The following MAGI1 variants were observed in gnomAD, a reference collection of about 807,000 sequenced individuals.
The protein encoded by MAGI1 is membrane associated guanylate kinase, WW and PDZ domain containing 1, also known as membrane-associated guanylate kinase, WW and PDZ domain-containing protein 1.
In MAGI1, 58 loss-of-function variants were observed where a neutral mutation model predicts 139.9. The observed-to-expected ratio is 0.41, with a 90% confidence interval of 0.34 to 0.52. The LOEUF (loss-of-function observed/expected upper bound fraction) is 0.52. MAGI1 is among the 20% of genes least tolerant of loss of function. The probability of loss-of-function intolerance (pLI) is 0.12; values close to 1 mark genes in which losing one functional copy is unlikely to be tolerated. For missense variants in MAGI1, 1,874 were observed against 1,901.6 expected, an observed-to-expected ratio of 0.99 and a Z score of 0.27; for synonymous variants, 812 against 737.9, an observed-to-expected ratio of 1.10 and a Z score of -1.63.
intron 4 of MAGI1, among the ~76,000 whole-genome samples, chr3:65,477,995 G>T (rs1010757525): frequency 4.6e-5 from 7 of 151,634 alleles, no homozygotes; most frequent in African/African-American, 1.7e-4. Flanking sequence ...TAATACATAG[G>T]CTATATAATA....
intron 12 of MAGI1, among the ~76,000 whole-genome samples, chr3:65,402,942 C>T (rs1424048953): frequency 6.6e-6 from 1 of 152,166 alleles, no homozygotes; most frequent in Non-Finnish European, 1.5e-5. Context: ...AGCCCAGGTC[C>T]CACCACTGGG....
intron 1 of MAGI1, among the ~76,000 whole-genome samples, chr3:65,885,102 G>GA (rs796677585): frequency 5.3e-5 from 8 of 152,168 alleles, no homozygotes; most frequent in African/African-American, 1.9e-4. Flanking sequence ...ATACCTGGAT[G>GA]AAAAAACGTT....
chr3:65,745,270 G>A (rs1167615425), intron 1 of MAGI1, among the ~76,000 whole-genome samples: 1 of 152,124 alleles, frequency 6.6e-6, no homozygotes, highest in Non-Finnish European at 1.5e-5. Flanking sequence ...CAGGAGGAAT[G>A]AGACAGGCAA....
chr3:65,919,797 C>T (rs983180620), intron 1 of MAGI1, among the ~76,000 whole-genome samples: 7 of 152,064 alleles, frequency 4.6e-5, no homozygotes, highest in African/African-American at 1.7e-4. Context: ...TAATTTCTCT[C>T]ATACAGTCTG....
intron 1 of MAGI1, among the ~76,000 whole-genome samples, chr3:65,820,528 T>TA (rs2041890936): frequency 6.6e-6 from 1 of 152,110 alleles, no homozygotes; most frequent in South Asian, 2.1e-4. Flanking sequence ...TAGGCGTCCT[T>TA]AATCTTTCGG....
chr3:65,726,207 A>G (rs752713751), intron 1 of MAGI1, among the ~76,000 whole-genome samples: 5 of 152,220 alleles, frequency 3.3e-5, no homozygotes, highest in Non-Finnish European at 7.3e-5. Flanking sequence ...CATCTTATTT[A>G]AGCTATGCCA....
Position 65,494,556 on chromosome 3 carries a change from A to C in MAGI1, c.431-925T>G, listed in dbSNP as rs571246607. Among the ~76,000 whole-genome samples the C allele has an allele frequency of 3.3e-5, 5 of 152,346 alleles. No homozygotes were observed. In the South Asian group the frequency reaches 8.3e-4, roughly 25 times the overall value. On this transcript the variant is annotated intron_variant, in intron 2 of 22. Coordinates refer to ENST00000402939, the MANE Select transcript of MAGI1 (RefSeq NM_001033057.2). ...TTATGAGACGAAAAAAAAGAGCAAA[A>C]AATGTGACTTCTGCTGTTACATTCA...
intron 2 of MAGI1, among the ~76,000 whole-genome samples, chr3:65,554,870 G>A (rs570648634): frequency 4.6e-5 from 7 of 152,312 alleles, no homozygotes; most frequent in Non-Finnish European, 1.0e-4. Context: ...ACATGACAAA[G>A]ATATGCAATG....
At chr3:65,924,857 G>A (rs756287423) in intron 1 of MAGI1, 1 of 152,184 alleles carries the variant, frequency 6.6e-6, no homozygotes, top group African/African-American at 2.4e-5. Context: ...ACATAGTTAA[G>A]TGCTAAATAA....
At chr3:65,729,087 G>A (rs946480188) in intron 1 of MAGI1, among the ~76,000 whole-genome samples, 14 of 118,524 alleles carry the variant, frequency 1.2e-4, no homozygotes, top group African/African-American at 4.1e-4. Flanking sequence ...AAACAAATCT[G>A]TCCTACAAAT....
chr3:65,871,586 G>C (rs1431024068), intron 1 of MAGI1, among the ~76,000 whole-genome samples: 1 of 152,222 alleles, frequency 6.6e-6, no homozygotes, highest in Non-Finnish European at 1.5e-5. Context: ...GCTGGCATGA[G>C]GCCAGTACAG....
chr3:65,526,217 G>C (rs925892270), intron 2 of MAGI1, among the ~76,000 whole-genome samples: 2 of 152,074 alleles, frequency 1.3e-5, no homozygotes, highest in Non-Finnish European at 1.5e-5. Context: ...TTGATGTTCA[G>C]TTCACTGTGA....
intron 1 of MAGI1, among the ~76,000 whole-genome samples, chr3:65,776,396 T>C (rs1185146658): frequency 6.6e-6 from 1 of 152,282 alleles, no homozygotes; most frequent in East Asian, 1.9e-4. Flanking sequence ...CAAAAATTTT[T>C]CAAAGCCTCT....
intron 1 of MAGI1, among the ~76,000 whole-genome samples, chr3:65,891,909 T>C (rs1309530390): frequency 2.5e-5 from 2 of 80,762 alleles, no homozygotes; most frequent in South Asian, 4.3e-4. Flanking sequence ...TATATATATA[T>C]ATATATATAT....
At chr3:65,402,787 C>T (rs1371899791) in intron 12 of MAGI1, among the ~76,000 whole-genome samples, 1 of 152,070 alleles carries the variant, frequency 6.6e-6, no homozygotes, top group African/African-American at 2.4e-5. Flanking sequence ...GGGAGTGAGG[C>T]ATGATGAGGA....
chr3:65,371,761 T>C, intron 18 of MAGI1: 1 of 219,402 alleles, frequency 4.6e-6, no homozygotes, highest in Non-Finnish European at 9.5e-6. Flanking sequence ...GTTTGCAACA[T>C]CTTTACCAGT....
rs772764636 is a variant in MAGI1 at position 65,391,091 on chromosome 3, T to C, written c.2416+51A>G. 2.3e-5 allele frequency: 34 copies of C among 1,478,526 alleles called. No individual in the cohort carries two copies. The East Asian group carries it at 5.9e-4, about 26-fold the overall frequency. The allele number at this position is 1,478,526 out of a possible 1,614,324, so 91.6% of individuals were successfully genotyped here. On this transcript the variant is annotated intron_variant, in intron 14 of 22. Coordinates refer to ENST00000402939, the MANE Select transcript of MAGI1 (RefSeq NM_001033057.2). ...TTTTCAATAACCTTCAAGAGAAAGG[T>C]AGAGCCCTGCGGAGGGGTCAGGGTA...
Position 65,811,763 on chromosome 3 carries a change from A to C in MAGI1, c.314-189675T>G, listed in dbSNP as rs557657881. 5.9e-5 allele frequency among the ~76,000 whole-genome samples: 9 copies of C among 152,174 alleles called. No individual in the cohort carries two copies. The East Asian group carries it at 1.7e-3, about 29-fold the overall frequency. On this transcript the variant is annotated intron_variant, in intron 1 of 22. Coordinates refer to ENST00000402939, the MANE Select transcript of MAGI1 (RefSeq NM_001033057.2). ...TGATAAACTTTCAGGTCCATTCCTA[A>C]GTACCAGTCCATTCTTGCCCAAGTG...
intron 12 of MAGI1, among the ~76,000 whole-genome samples, chr3:65,422,602 T>C (rs1946705447): frequency 6.6e-6 from 1 of 152,172 alleles, no homozygotes; most frequent in African/African-American, 2.4e-5. Context: ...AGGCACCATT[T>C]TAGGCAGCAG....
Sources: gnomAD v4.1 joint callset for allele counts (sites outside exome capture counted in the v4.1 genomes callset) on GRCh38, gnomAD v4.1.1 for gene constraint, MANE v1.5 for transcripts, NCBI Gene and HGNC (gene_info 2026-07-23, HGNC 2026-07-21) for gene names.